The following CDH13 variants were observed in gnomAD, a reference collection of about 807,000 sequenced individuals.
CDH13 encodes cadherin 13.
In CDH13, 24 loss-of-function variants were observed where a neutral mutation model predicts 63.8. The ratio of observed to expected loss-of-function variants is 0.38; its 90% confidence interval spans 0.27 to 0.53. The LOEUF is 0.53. CDH13 is among the 20% of genes least tolerant of loss of function. CDH13 has a pLI of 0.85. For missense variants in CDH13, 1,049 were observed against 903.1 expected, an observed-to-expected ratio of 1.16 and a Z score of -2.07; for synonymous variants, 503 against 355.3, an observed-to-expected ratio of 1.42 and a Z score of -4.67.
At chr16:82,701,951 A>C (rs2031064363) in intron 1 of CDH13, among the ~76,000 whole-genome samples, 1 of 151,490 alleles carries the variant, frequency 6.6e-6, no homozygotes, top group East Asian at 1.9e-4. Context: ...TTCCCCGAGG[A>C]AATTGGAGGG....
chr16:83,301,577 C>A (rs2089746599), intron 5 of CDH13, among the ~76,000 whole-genome samples: 1 of 152,046 alleles, frequency 6.6e-6, no homozygotes, highest in South Asian at 2.1e-4. Flanking sequence ...CAAGGTCGGA[C>A]CGACAGACTA....
intron 3 of CDH13, among the ~76,000 whole-genome samples, chr16:83,115,316 C>T (rs1341790773): frequency 6.6e-6 from 1 of 152,296 alleles, no homozygotes; most frequent in Non-Finnish European, 1.5e-5. Context: ...GATAATCATA[C>T]AATGTGTTTA....
At chr16:83,074,910 G>C (rs967994679) in intron 3 of CDH13, among the ~76,000 whole-genome samples, 2 of 152,224 alleles carry the variant, frequency 1.3e-5, no homozygotes, top group African/African-American at 4.8e-5. Context: ...CCCTGTTGGT[G>C]TCCAACACTT....
intron 5 of CDH13, among the ~76,000 whole-genome samples, chr16:83,289,544 C>G (rs1464493039): frequency 6.6e-6 from 1 of 152,144 alleles, no homozygotes; most frequent in Non-Finnish European, 1.5e-5. Context: ...TTTTATCCTT[C>G]TCTTATTTGA....
intron 10 of CDH13, among the ~76,000 whole-genome samples, chr16:83,747,613 A>T (rs949915508): frequency 6.6e-6 from 1 of 151,200 alleles, no homozygotes; most frequent in Non-Finnish European, 1.5e-5. Context: ...ATGACATCCT[A>T]TCTATTCCTC....
chr16:83,474,180 A>G (rs1320426155), intron 6 of CDH13, among the ~76,000 whole-genome samples: 5 of 152,164 alleles, frequency 3.3e-5, no homozygotes. Context: ...TGCACAGTCC[A>G]CACATGTATC....
At chr16:83,058,449 C>A (rs574514298) in intron 3 of CDH13, among the ~76,000 whole-genome samples, 16 of 152,282 alleles carry the variant, frequency 1.1e-4, no homozygotes, top group Admixed American at 5.2e-4. Flanking sequence ...TTCATTTCCC[C>A]TTTTCCCAAC....
At chr16:83,006,523 C>T (rs182850068) in intron 2 of CDH13, among the ~76,000 whole-genome samples, 28 of 152,230 alleles carry the variant, frequency 1.8e-4, no homozygotes, top group Admixed American at 4.6e-4. Flanking sequence ...CGCTTGACTG[C>T]TCAGTGCAGC....
chr16:83,555,546 C>A (rs1270072091), intron 7 of CDH13, among the ~76,000 whole-genome samples: 1 of 152,170 alleles, frequency 6.6e-6, no homozygotes, highest in Non-Finnish European at 1.5e-5. Context: ...ACTTAGTTGA[C>A]TGAATTGCAT....
intron 1 of CDH13, among the ~76,000 whole-genome samples, chr16:82,682,215 C>G (rs1039378454): frequency 1.3e-5 from 2 of 152,204 alleles, no homozygotes; most frequent in Non-Finnish European, 2.9e-5. Context: ...TTAGCATAAA[C>G]AGAATCCCCT....
chr16:83,138,848 A>G (rs1293838699), intron 4 of CDH13, among the ~76,000 whole-genome samples: 1 of 152,146 alleles, frequency 6.6e-6, no homozygotes, highest in Non-Finnish European at 1.5e-5. Context: ...GGGGAGAGGC[A>G]GAAGGACTGG....
intron 6 of CDH13, among the ~76,000 whole-genome samples, chr16:83,365,088 G>A (rs2091233051): frequency 6.6e-6 from 1 of 152,138 alleles, no homozygotes; most frequent in East Asian, 1.9e-4. Context: ...ATTTAAAAAA[G>A]GATATTGGTT....
chr16:83,482,121 G>A (rs975081778), intron 6 of CDH13, among the ~76,000 whole-genome samples: 9 of 152,180 alleles, frequency 5.9e-5, no homozygotes, highest in South Asian at 2.1e-4. Context: ...CTCCAGGCAC[G>A]TTGCTCAGTT....
chr16:83,513,535 C>T (rs1039148786), intron 7 of CDH13, among the ~76,000 whole-genome samples: 7 of 152,130 alleles, frequency 4.6e-5, no homozygotes, highest in Non-Finnish European at 8.8e-5. Context: ...GTTGGGAAGG[C>T]CTCAGGAGAC....
intron 8 of CDH13, among the ~76,000 whole-genome samples, chr16:83,636,108 A>C (rs1044338917): frequency 6.6e-6 from 1 of 152,028 alleles, no homozygotes; most frequent in Non-Finnish European, 1.5e-5. Context: ...TAAAAAAAAA[A>C]AAAATCATGT....
rs1468752188 is a variant in CDH13, at chr16:83,535,104, C to T, written c.960+48449C>T. Among the ~76,000 whole-genome samples, 3 of 152,174 alleles carry T rather than the reference C, an allele frequency of 2.0e-5. No homozygotes were observed. The East Asian group carries it at 5.8e-4, about 29-fold the overall frequency. On this transcript the variant is annotated intron_variant, in intron 7 of 13. Transcript: ENST00000567109. ...ATTGTTGGGGTCCTTTTTCAGTCTG[C>T]CATATACACTGTGGCCTGAAGGTTC...
chr16:82,734,171 T>C (rs1470913671), intron 1 of CDH13, among the ~76,000 whole-genome samples: 5 of 152,258 alleles, frequency 3.3e-5, no homozygotes, highest in African/African-American at 1.2e-4. Context: ...TTTGGCCCAC[T>C]ACTTGTTTTC....
intron 7 of CDH13, among the ~76,000 whole-genome samples, chr16:83,582,275 C>G (rs1181625414): frequency 2.0e-5 from 3 of 151,934 alleles, no homozygotes; most frequent in Non-Finnish European, 4.4e-5. Context: ...CAACACTTGG[C>G]TTAATCCTTT....
intron 2 of CDH13, among the ~76,000 whole-genome samples, chr16:82,875,369 T>A (rs1247932724): frequency 1.3e-5 from 2 of 152,190 alleles, no homozygotes; most frequent in African/African-American, 4.8e-5. Context: ...AAATCCTGAC[T>A]AACTCAAGAC....
Sources: allele counts gnomAD v4.1 joint callset (sites outside exome capture counted in the v4.1 genomes callset), GRCh38; gene constraint gnomAD v4.1.1; transcripts MANE v1.5; gene names NCBI Gene and HGNC (gene_info 2026-07-23, HGNC 2026-07-21).